The following COL8A1 variants were observed in gnomAD, a reference collection of about 807,000 sequenced individuals.
COL8A1 encodes collagen alpha-1(VIII) chain.
In COL8A1, 21 loss-of-function variants were observed where a neutral mutation model predicts 42.7. The observed-to-expected ratio is 0.49, with a 90% confidence interval of 0.35 to 0.71. COL8A1 has a LOEUF of 0.71. Ranked by LOEUF, COL8A1 falls within the 30% of genes least tolerant of loss-of-function variation. The pLI, the probability that COL8A1 is intolerant of heterozygous loss-of-function variation, is 0.01. For missense variants in COL8A1, 788 were observed against 962.4 expected (o/e 0.82, Z 2.40); for synonymous variants, 367 against 369.1 (o/e 0.99, Z 0.06).
At chr3:99,705,751 T>G (rs557166560) in intron 1 of COL8A1, among the ~76,000 whole-genome samples, 6 of 152,296 alleles carry the variant, frequency 3.9e-5, no homozygotes. Flanking sequence ...TTGCTCTTGT[T>G]TTGGGGATGA....
At chr3:99,736,066 C>T (rs1348547731) in intron 1 of COL8A1, among the ~76,000 whole-genome samples, 12 of 151,980 alleles carry the variant, frequency 7.9e-5, no homozygotes, top group South Asian at 2.1e-4. Flanking sequence ...GTCTTGCTAG[C>T]GGTCTATCAA....
At chr3:99,663,798 T>C (rs1938280175) in intron 1 of COL8A1, among the ~76,000 whole-genome samples, 1 of 152,122 alleles carries the variant, frequency 6.6e-6, no homozygotes, top group Admixed American at 6.5e-5. Flanking sequence ...TTTTTAATCT[T>C]AAATTTTTGT....
intron 1 of COL8A1, among the ~76,000 whole-genome samples, chr3:99,654,897 T>G (rs1032347539): frequency 6.6e-6 from 1 of 152,164 alleles, no homozygotes; most frequent in African/African-American, 2.4e-5. Flanking sequence ...TTTTTAAGAC[T>G]TATCTTCTCA....
At chr3:99,786,133 T>C (rs1436151181) in intron 2 of COL8A1, among the ~76,000 whole-genome samples, 1 of 152,176 alleles carries the variant, frequency 6.6e-6, no homozygotes, top group Non-Finnish European at 1.5e-5. Flanking sequence ...TCTCTCAACC[T>C]TCACATCTCT....
At chr3:99,757,840 C>T (rs1441549114) in intron 2 of COL8A1, among the ~76,000 whole-genome samples, 1 of 152,136 alleles carries the variant, frequency 6.6e-6, no homozygotes, top group Non-Finnish European at 1.5e-5. Context: ...AGAATCTAGA[C>T]TGGATTTTAG....
intron 1 of COL8A1, among the ~76,000 whole-genome samples, chr3:99,646,420 G>C (rs1937641376): frequency 6.6e-6 from 1 of 152,140 alleles, no homozygotes; most frequent in South Asian, 2.1e-4. Context: ...CTGGGGCAAG[G>C]GGCGTGTCAC....
At chr3:99,770,148 C>A (rs988894598) in intron 2 of COL8A1, among the ~76,000 whole-genome samples, 6 of 152,092 alleles carry the variant, frequency 3.9e-5, no homozygotes, top group Non-Finnish European at 8.8e-5. Flanking sequence ...TAAATGGGAA[C>A]TTAGCAAGGC....
At chr3:99,773,837 A>ATATT (rs1200212756) in intron 2 of COL8A1, among the ~76,000 whole-genome samples, 7 of 45,400 alleles carry the variant, frequency 1.5e-4, no homozygotes, top group African/African-American at 7.7e-4. Context: ...ATATATATAT[A>ATATT]TTTTTTTTTT....
intron 2 of COL8A1, among the ~76,000 whole-genome samples, chr3:99,786,217 T>G (rs114989677): frequency 1.7e-3 from 264 of 152,294 alleles, no homozygotes; most frequent in Non-Finnish European, 3.1e-3. Flanking sequence ...CACTCTGTCA[T>G]TATTGAACCC....
At chr3:99,702,891 G>T (rs1043368762) in intron 1 of COL8A1, among the ~76,000 whole-genome samples, 1 of 152,164 alleles carries the variant, frequency 6.6e-6, no homozygotes, top group Non-Finnish European at 1.5e-5. Context: ...GTCAAGGAAG[G>T]CTTCAGGGTA....
At chr3:99,696,841 C>A (rs908115408) in intron 1 of COL8A1, among the ~76,000 whole-genome samples, 1 of 152,132 alleles carries the variant, frequency 6.6e-6, no homozygotes, top group African/African-American at 2.4e-5. Flanking sequence ...TAGGTATAAC[C>A]GATTCAGCTC....
chr3:99,722,074 C>T lies in COL8A1; in HGVS notation c.-128-22823C>T, dbSNP rs142426875. Among the ~76,000 whole-genome samples the T allele has an allele frequency of 6.8e-3, 1,041 of 152,168 alleles. 5 individuals carry two copies. The highest frequency in any genetic ancestry group is 0.014 in the Middle Eastern group (4 of 294). ...GCTATGAACTTTTTTCAATGCCCTA[C>T]TTTTGAGGATTCTTTTGATCATATA... On this transcript the variant is annotated intron_variant, in intron 1 of 3. Transcript: ENST00000652472.
Position 99,795,609 on chromosome 3 carries a change from CCCCCAG to C in COL8A1, c.1710_1715del (p.Pro571_Ala572del). 1 of 1,612,790 alleles carries C rather than the reference CCCCCAG, an allele frequency of 6.2e-7. No homozygotes were observed. The highest frequency in any genetic ancestry group is 8.5e-7 in the Non-Finnish European group (1 of 1,179,296). On this transcript the variant is annotated inframe_deletion, in exon 4 of 4. Transcript: ENST00000652472. ...CCCAGGCCCTCCAGGACCTCCAGGA[CCCCCAG>C]CTGTGATGCCCCCTACACCACCACC...
chr3:99,775,862 C>T (rs1313801620), intron 2 of COL8A1, among the ~76,000 whole-genome samples: 4 of 152,170 alleles, frequency 2.6e-5, no homozygotes, highest in Admixed American at 6.5e-5. Context: ...AGGCTTCTGG[C>T]TTTTCTGCTG....
intron 1 of COL8A1, among the ~76,000 whole-genome samples, chr3:99,672,445 C>T (rs968514537): frequency 3.3e-5 from 5 of 151,620 alleles, no homozygotes; most frequent in African/African-American, 7.3e-5. Context: ...TTTATGTAGT[C>T]AGCTTATCTA....
At chr3:99,705,255 T>C (rs1214677015) in intron 1 of COL8A1, among the ~76,000 whole-genome samples, 1 of 152,208 alleles carries the variant, frequency 6.6e-6, no homozygotes. Context: ...AATTTATTCA[T>C]TTAACAAATT....
chr3:99,670,238 C>T (rs1938500778), intron 1 of COL8A1, among the ~76,000 whole-genome samples: 1 of 151,908 alleles, frequency 6.6e-6, no homozygotes, highest in African/African-American at 2.4e-5. Context: ...GTTTTTTGAG[C>T]CAAAAATGAA....
At chr3:99,638,709 A>G (rs1022999574) in intron 1 of COL8A1, 45 bp downstream of exon 1, 16 of 152,112 alleles carry the variant, frequency 1.1e-4, no homozygotes, top group African/African-American at 3.9e-4. Flanking sequence ...AGGGGTTGCT[A>G]TGGGGGAATA....
At chr3:99,694,873 C>A (rs1476627697) in intron 1 of COL8A1, among the ~76,000 whole-genome samples, 1 of 152,136 alleles carries the variant, frequency 6.6e-6, no homozygotes, top group Non-Finnish European at 1.5e-5. Flanking sequence ...AAATGCATAC[C>A]TTCTTGGTTC....
Sources: allele counts gnomAD v4.1 joint callset (sites outside exome capture counted in the v4.1 genomes callset), GRCh38; gene constraint gnomAD v4.1.1; transcripts MANE v1.5; gene names NCBI Gene and HGNC (gene_info 2026-07-23, HGNC 2026-07-21).